WDR62: variants seen among roughly 807,000 people sequenced by gnomAD.
WDR62 encodes the protein WD repeat domain 62.
Under a neutral mutation model 160.6 loss-of-function variants are expected in WDR62, and 112 were observed. The ratio of observed to expected loss-of-function variants is 0.70; its 90% CI spans 0.60 to 0.82. WDR62 has a LOEUF of 0.82. WDR62 is among the 40% of genes least tolerant of loss of function. The pLI is 0.00. For missense variants in WDR62, 1,819 were observed against 1,983.8 expected, an observed-to-expected ratio of 0.92 and a Z score of 1.58; for synonymous variants, 792 against 815.1, an observed-to-expected ratio of 0.97 and a Z score of 0.48.
At position 36,100,739 on chromosome 19, in the gene WDR62, T is replaced by TC. The variant is rs752812609; in HGVS notation, c.2740-5dup. On this transcript the variant is annotated splice_polypyrimidine_tract_variant and intron_variant, in intron 22 of 31. Transcript: ENST00000401500. ...CTGCCTCAGAATGGCTGTGCTGTCT[T>TC]CCCCATAGTCAGAGAGTCCCCAGGA... is the stretch of plus-strand genomic sequence containing the variant. 5 of 1,613,850 alleles carry TC rather than the reference T, an allele frequency of 3.1e-6. No homozygotes were observed. The African/African-American group carries it at 6.7e-5, about 22-fold the overall frequency.
intron 2 of WDR62, 30 bp from the exon 3 acceptor site, chr19:36,059,938 G>A: frequency 1.9e-6 from 3 of 1,613,764 alleles, no homozygotes; most frequent in Non-Finnish European, 2.5e-6. Flanking sequence ...ACTCCCCACA[G>A]TTGAGGCACA....
intron 3 of WDR62, among the ~76,000 whole-genome samples, chr19:36,064,944 G>A (rs1970856368): frequency 6.6e-6 from 1 of 152,178 alleles, no homozygotes; most frequent in Non-Finnish European, 1.5e-5. Flanking sequence ...GTCACTTCAT[G>A]GCCCAAGATG....
chr19:36,100,748 T>G lies in WDR62; in HGVS notation c.2740T>G (p.Ser914Ala). Residue 914 changes from serine (S) to alanine (A), a missense_variant and splice_region_variant, in exon 23 of 32, where the codon TCA (serine) becomes GCA (alanine). Physicochemically the swap from Ser to Ala is moderately conservative, Grantham distance 99. Around this residue, in one of 3 missense-constraint regions of WDR62, gnomAD observed 934 missense variants for 1,157.2 expected, o/e 0.81. Coordinates refer to ENST00000401500, the MANE Select transcript of WDR62 (RefSeq NM_001083961.2). The part of the protein sequence containing the change: ...PQSLASLLSE[S>A]ESPQEAGRGH... ...AATGGCTGTGCTGTCTTCCCCATAG[T>G]CAGAGAGTCCCCAGGAAGCTGGCCG... 6.2e-7 allele frequency: 1 copy of G among 1,613,996 alleles called. No individual in the cohort carries two copies. Among genetic ancestry groups the G allele is most frequent in the Non-Finnish European group, 8.5e-7 (1 of 1,179,968 alleles).
At chr19:36,067,761 CTAT>C (rs1971019179) in intron 6 of WDR62, 64 bp from the exon 7 acceptor site, 5 of 1,559,018 alleles carry the variant, frequency 3.2e-6, no homozygotes, top group Non-Finnish European at 3.5e-6. Context: ...TTGTTGTGTC[CTAT>C]CATCTGGTCA....
In WDR62 at chr19:36,104,856, A is replaced by G. The variant is rs1184558830; in HGVS notation, c.4400A>G (p.Glu1467Gly). The change falls in exon 32 of 32, where the codon GAG (glutamate) becomes GGG (glycine). Residue 1467 changes from glutamate (E) to glycine (G), a missense_variant. Physicochemically the swap from Glu to Gly is moderately conservative, Grantham distance 98 (BLOSUM62 -2). Coordinates refer to ENST00000401500, the MANE Select transcript of WDR62 (RefSeq NM_001083961.2). ...TTCCTGTGGATCCACAGCCAGCTGG[A>G]GGCTGAATGCCTGGTGGGGACTAGT... ...STFLWIHSQL[E>G]AECLVGTSVA... 6.2e-7 allele frequency: 1 copy of G among 1,613,280 alleles called. No individual in the cohort carries two copies. Among genetic ancestry groups the G allele is most frequent in the African/African-American group, 1.3e-5 (1 of 75,034 alleles).
Position 36,102,078 on chromosome 19 carries a change from C to G in WDR62, c.3147C>G (p.Ser1049=). 6.2e-7 allele frequency: 1 copy of G among 1,614,210 alleles called. No individual in the cohort carries two copies. Residue 1049 remains serine, a synonymous_variant, in exon 26 of 32, where the codon TCC becomes TCG. Transcript: ENST00000401500. ...AGGGACCCAGCGTCCCCAGCAGCTCCCTACCCCAGACTCCGGAGCAGGAGA... is the reference window on the plus strand; with the variant it reads ...AGGGACCCAGCGTCCCCAGCAGCTCGCTACCCCAGACTCCGGAGCAGGAGA... The part of the protein sequence containing the change: ...LPEGPSVPSS[S]LPQTPEQEKF...
chr19:36,066,222 G>A, intron 4 of WDR62, 35 bp from the exon 5 acceptor site: 3 of 1,613,658 alleles, frequency 1.9e-6, no homozygotes, highest in Non-Finnish European at 2.5e-6. Context: ...GCCCAGTACA[G>A]AGCCCAGCAG....
chr19:36,076,141 T>C (rs1307439573), intron 9 of WDR62, among the ~76,000 whole-genome samples: 1 of 152,230 alleles, frequency 6.6e-6, no homozygotes, highest in Non-Finnish European at 1.5e-5. Context: ...CCTGAGCCCT[T>C]TGGACATGAC....
chr19:36,101,776 T>C lies in WDR62; in HGVS notation c.3082+2T>C, dbSNP rs1213271945. On this transcript the variant is annotated splice_donor_variant, in intron 25 of 31. Transcript: ENST00000401500. LOFTEE classifies it high-confidence loss of function. ...CCACGTCGCTGCCCCATTTCCCAGGTAAGCAGGGGCCAGACACGCAGGGGA... is the reference window on the plus strand; with the variant it reads ...CCACGTCGCTGCCCCATTTCCCAGGCAAGCAGGGGCCAGACACGCAGGGGA... 1.9e-6 allele frequency: 3 copies of C among 1,551,296 alleles called. No homozygotes were observed. The East Asian group carries it at 7.3e-5, about 38-fold the overall frequency.
chr19:36,096,653 G>A (rs1972978306), intron 20 of WDR62, among the ~76,000 whole-genome samples: 1 of 151,670 alleles, frequency 6.6e-6, no homozygotes, highest in Non-Finnish European at 1.5e-5. Context: ...GGAGGTTGCA[G>A]TGAGCCGAGA....
At chr19:36,107,490 T>C (rs536027298), downstream of WDR62, among the ~76,000 whole-genome samples, 15 of 152,032 alleles carry the variant, frequency 9.9e-5, 1 homozygote, top group East Asian at 2.5e-3. Flanking sequence ...GCCCAAGTTA[T>C]TGGTCCCAGC....
chr19:36,062,696 A>G (rs1399189975), intron 3 of WDR62: 5 of 150,406 alleles, frequency 3.3e-5, no homozygotes, highest in African/African-American at 1.2e-4. Context: ...TAAATACTTC[A>G]GTGTGTATTT....
chr19:36,056,416 A>G (rs1970374924), intron 1 of WDR62, among the ~76,000 whole-genome samples: 1 of 152,088 alleles, frequency 6.6e-6, no homozygotes, highest in African/African-American at 2.4e-5. Context: ...GGTTTTCCTG[A>G]GGCTCCATAT....
chr19:36,103,286 G>A (rs1973502497), intron 29 of WDR62, 57 bp from the exon 30 acceptor site: 2 of 1,612,170 alleles, frequency 1.2e-6, no homozygotes, highest in African/African-American at 1.3e-5. Flanking sequence ...GTGGGGCGTG[G>A]GGGCCCTAGC....
chr19:36,083,722 G>C (rs959055281), intron 11 of WDR62, among the ~76,000 whole-genome samples: 1 of 152,110 alleles, frequency 6.6e-6, no homozygotes, highest in African/African-American at 2.4e-5. Context: ...GCTGGGACCA[G>C]GTTTAAGATG....
chr19:36,107,708 C>A (rs1973740296), downstream of WDR62, among the ~76,000 whole-genome samples: 1 of 152,242 alleles, frequency 6.6e-6, no homozygotes, highest in Admixed American at 6.5e-5. Context: ...CAAAGAGGTT[C>A]TCTCAATAAG....
At chr19:36,069,888 C>G (rs1685330267) in intron 7 of WDR62, among the ~76,000 whole-genome samples, 1 of 151,994 alleles carries the variant, frequency 6.6e-6, no homozygotes, top group Non-Finnish European at 1.5e-5. Flanking sequence ...ATCGCAGGCA[C>G]TCGGCAGGCT....
chr19:36,071,932 AAAC>A (rs1228662309), intron 8 of WDR62, among the ~76,000 whole-genome samples: 2 of 152,248 alleles, frequency 1.3e-5, no homozygotes, highest in East Asian at 3.8e-4. Flanking sequence ...AACAGTGAGA[AAAC>A]AAAGGAATAA....
intron 7 of WDR62, 57 bp from the exon 8 acceptor site, chr19:36,071,499 C>T (rs998015677): frequency 4.3e-6 from 7 of 1,610,400 alleles, no homozygotes; most frequent in Admixed American, 3.3e-5. Flanking sequence ...GTCCCCATAT[C>T]CCCGGGCCAG....
Sources: allele counts gnomAD v4.1 joint callset (sites outside exome capture counted in the v4.1 genomes callset), GRCh38; gene constraint gnomAD v4.1.1; regional missense constraint gnomAD v4.1.1; transcripts MANE v1.5; gene names NCBI Gene and HGNC (gene_info 2026-07-23, HGNC 2026-07-21).